Variants in PIP5K1B observed in about 807,000 individuals in gnomAD.
PIP5K1B encodes phosphatidylinositol-4-phosphate 5-kinase type 1 beta.
A neutral mutation model predicts 67.0 loss-of-function variants in PIP5K1B; 42 were observed. That is an observed-to-expected ratio of 0.63 (90% confidence interval 0.49 to 0.81). PIP5K1B has a LOEUF of 0.81. PIP5K1B is among the 30% of genes least tolerant of loss of function. The pLI is 0.00. For synonymous variants in PIP5K1B, 214 were observed against 231.4 expected, an observed-to-expected ratio of 0.92 and a Z score of 0.68; for missense variants, 459 against 646.3, an observed-to-expected ratio of 0.71 and a Z score of 3.14.
At position 68,751,868 on chromosome 9, in the gene PIP5K1B, G is replaced by A. The variant is rs183596927; in HGVS notation, c.-86+9211G>A. ...CTAAATGTTTACTTTAAAGTGTTTA[G>A]TTTTATGTTATATGAATTCAGATAA... is the stretch of plus-strand genomic sequence containing the variant. On this transcript the variant is annotated intron_variant, in intron 2 of 15. Coordinates refer to ENST00000265382, the MANE Select transcript of PIP5K1B (RefSeq NM_003558.4). Among the ~76,000 whole-genome samples, 8 of 152,254 alleles carry A rather than the reference G, an allele frequency of 5.3e-5. No homozygotes were observed. The East Asian group carries it at 1.5e-3, about 29-fold the overall frequency.
intron 4 of PIP5K1B, among the ~76,000 whole-genome samples, chr9:68,837,243 A>T (rs1834661369): frequency 6.6e-6 from 1 of 152,194 alleles, no homozygotes; most frequent in Non-Finnish European, 1.5e-5. Context: ...CAGGAAACCA[A>T]GTTAAGGGGT....
intron 8 of PIP5K1B, among the ~76,000 whole-genome samples, chr9:68,910,690 T>C (rs1438952728): frequency 1.3e-5 from 2 of 152,252 alleles, no homozygotes; most frequent in Non-Finnish European, 2.9e-5. Flanking sequence ...ACACTAATAA[T>C]GTGCTTGGGT....
chr9:68,793,128 T>TATGTGTATACACAGATAGTGG (rs1832085784), intron 2 of PIP5K1B, among the ~76,000 whole-genome samples: 1 of 152,158 alleles, frequency 6.6e-6, no homozygotes, highest in Non-Finnish European at 1.5e-5. Flanking sequence ...ACATATAGTG[T>TATGTGTATACACAGATAGTGG]AAGGAACAGG....
At chr9:69,003,485 G>T (rs1284682637) in intron 15 of PIP5K1B, among the ~76,000 whole-genome samples, 3 of 151,738 alleles carry the variant, frequency 2.0e-5, no homozygotes, top group African/African-American at 7.3e-5. Flanking sequence ...AAAAGGGGGG[G>T]GGATATCACC....
chr9:68,828,550 TGAGG>T (rs2132097189), intron 4 of PIP5K1B, among the ~76,000 whole-genome samples: 1 of 152,076 alleles, frequency 6.6e-6, no homozygotes, highest in East Asian at 1.9e-4. Flanking sequence ...CAGGCAGCGG[TGAGG>T]AAGGAGGAAA....
At chr9:68,988,698 G>A (rs960996660) in intron 14 of PIP5K1B, among the ~76,000 whole-genome samples, 15 of 151,928 alleles carry the variant, frequency 9.9e-5, no homozygotes, top group Admixed American at 3.9e-4. Flanking sequence ...TGATCTGCCC[G>A]CCTTGGCCTC....
chr9:68,757,321 T>G (rs1829972184), intron 2 of PIP5K1B, among the ~76,000 whole-genome samples: 1 of 152,158 alleles, frequency 6.6e-6, no homozygotes, highest in Non-Finnish European at 1.5e-5. Flanking sequence ...AGTAAAAAAT[T>G]ACATTTGTGA....
At chr9:68,918,895 G>A (rs1826231948) in intron 9 of PIP5K1B, among the ~76,000 whole-genome samples, 1 of 152,090 alleles carries the variant, frequency 6.6e-6, no homozygotes, top group African/African-American at 2.4e-5. Flanking sequence ...GGAAATGTTT[G>A]TCATTTAGCA....
rs189976836 is a variant in PIP5K1B at position 68,961,159 on chromosome 9, G to C, written c.1502+20369G>C. 4.9e-3 allele frequency among the ~76,000 whole-genome samples: 732 copies of C among 150,452 alleles called. 7 individuals carry two copies. Among genetic ancestry groups the C allele is most frequent in the African/African-American group, 0.017 (674 of 40,732 alleles). On this transcript the variant is annotated intron_variant, in intron 14 of 15. Transcript: ENST00000265382. ...CGGGAAGCGGAGCTTGCAGTGAGCC[G>C]AGATTGCGCCACTGCAGTCCGCAGT...
chr9:68,879,017 A>T (rs995746779), intron 6 of PIP5K1B, among the ~76,000 whole-genome samples: 1 of 152,198 alleles, frequency 6.6e-6, no homozygotes, highest in African/African-American at 2.4e-5. Context: ...AACATTATTA[A>T]CATTATTAAG....
intron 2 of PIP5K1B, among the ~76,000 whole-genome samples, chr9:68,758,300 T>C (rs763154116): frequency 6.6e-6 from 1 of 151,984 alleles, no homozygotes; most frequent in South Asian, 2.1e-4. Flanking sequence ...ACTGAAATGG[T>C]AAAGATGTTG....
At position 69,008,497 on chromosome 9, in the gene PIP5K1B, T is replaced by G. The variant is rs1269057771; in HGVS notation, c.*48T>G. Reference sequence around the variant, plus strand: ...CACATGGATGAGACGTGAGCACAGTTATGGCAGAGAAGTTTCTCCGCACCA... The same window carrying G: ...CACATGGATGAGACGTGAGCACAGTGATGGCAGAGAAGTTTCTCCGCACCA... On this transcript the variant is annotated 3_prime_UTR_variant, in exon 16 of 16. Coordinates refer to ENST00000265382, the MANE Select transcript of PIP5K1B (RefSeq NM_003558.4). 6.3e-7 allele frequency: 1 copy of G among 1,599,842 alleles called. No individual in the cohort carries two copies. The highest frequency in any genetic ancestry group is 8.6e-7 in the Non-Finnish European group (1 of 1,167,044).
chr9:68,747,074 C>G (rs1429259139), intron 2 of PIP5K1B, among the ~76,000 whole-genome samples: 1 of 151,834 alleles, frequency 6.6e-6, no homozygotes, highest in African/African-American at 2.4e-5. Context: ...CGCCTTCCCT[C>G]TCATTCTTTC....
At chr9:68,877,363 G>C (rs7865318) in intron 6 of PIP5K1B, among the ~76,000 whole-genome samples, 4 of 152,276 alleles carry the variant, frequency 2.6e-5, no homozygotes, top group Non-Finnish European at 5.9e-5. Flanking sequence ...AGACACAACA[G>C]CCTTTTTGTA....
chr9:68,826,238 G>T (rs113300414), intron 4 of PIP5K1B, among the ~76,000 whole-genome samples: 5 of 152,066 alleles, frequency 3.3e-5, no homozygotes, highest in Non-Finnish European at 4.4e-5. Flanking sequence ...AGTGCTTTCC[G>T]CAAGAGTTGT....
chr9:68,966,174 T>C (rs78947159), intron 14 of PIP5K1B, among the ~76,000 whole-genome samples: 2 of 152,004 alleles, frequency 1.3e-5, no homozygotes, highest in East Asian at 1.9e-4. Context: ...ATTGAATAAA[T>C]AAATAAATGG....
At chr9:68,813,002 A>T (rs1833251817) in intron 2 of PIP5K1B, among the ~76,000 whole-genome samples, 1 of 152,246 alleles carries the variant, frequency 6.6e-6, no homozygotes. Context: ...TCAGACTAAC[A>T]TGAAACTACT....
intron 6 of PIP5K1B, among the ~76,000 whole-genome samples, chr9:68,882,434 C>T (rs1210746000): frequency 1.3e-5 from 2 of 151,984 alleles, no homozygotes; most frequent in African/African-American, 2.4e-5. Context: ...TTATTTCATT[C>T]GTGTTATGTA....
intron 15 of PIP5K1B, among the ~76,000 whole-genome samples, chr9:69,003,480 G>GAAAAAA (rs1220209240): frequency 1.4e-5 from 2 of 146,344 alleles, no homozygotes; most frequent in Non-Finnish European, 3.0e-5. Context: ...AAAAAAAAAG[G>GAAAAAA]GGGGGGGATA....
Sources: gnomAD v4.1 joint callset for allele counts (sites outside exome capture counted in the v4.1 genomes callset) on GRCh38, gnomAD v4.1.1 for gene constraint, MANE v1.5 for transcripts, NCBI Gene and HGNC (gene_info 2026-07-23, HGNC 2026-07-21) for gene names.